PDGFC: variants seen among roughly 807,000 people sequenced by gnomAD.
The protein encoded by PDGFC is platelet-derived growth factor C.
A neutral mutation model predicts 35.5 loss-of-function variants in PDGFC; 12 were observed. That is an observed-to-expected ratio of 0.34 (90% CI 0.22 to 0.55). The LOEUF (loss-of-function observed/expected upper bound fraction) is 0.55. Among genes scored for constraint, PDGFC ranks in the 20% least tolerant of loss-of-function variants. PDGFC has a pLI of 0.91. For missense variants in PDGFC, 322 were observed against 412.4 expected (o/e 0.78, Z 1.90); for synonymous variants, 159 against 148.8 (o/e 1.07, Z -0.50).
intron 3 of PDGFC, among the ~76,000 whole-genome samples, chr4:156,794,526 G>A (rs1165011917): frequency 6.6e-6 from 1 of 151,774 alleles, no homozygotes; most frequent in Non-Finnish European, 1.5e-5. Context: ...AAAAAAGAAG[G>A]GAGGGAGGAA....
intron 2 of PDGFC, among the ~76,000 whole-genome samples, chr4:156,845,223 T>A (rs979931031): frequency 6.6e-6 from 1 of 151,718 alleles, no homozygotes; most frequent in African/African-American, 2.4e-5. Context: ...TTATCAAAAT[T>A]GGCAGGGCGC....
intron 2 of PDGFC, among the ~76,000 whole-genome samples, chr4:156,827,971 T>C (rs1384631951): frequency 6.6e-6 from 1 of 152,222 alleles, no homozygotes; most frequent in Non-Finnish European, 1.5e-5. Flanking sequence ...AGTGGAGTCC[T>C]GGACTTTGCA....
At position 156,793,562 on chromosome 4, in the gene PDGFC, T is replaced by TATATAA. The variant is rs1391337141; in HGVS notation, c.495+17274_495+17275insTTATAT. Among the ~76,000 whole-genome samples, 35 of 136,124 alleles carry TATATAA rather than the reference T, an allele frequency of 2.6e-4. No homozygotes were observed. The South Asian group carries it at 6.1e-3, about 24-fold the overall frequency. The allele number at this position is 136,124 out of a possible 152,430, so 89.3% of individuals were successfully genotyped here. A position where few individuals can be genotyped will look rare whatever the true frequency, so the allele number is the denominator to read the frequency against. ...ATATATATATATATATATATATATA[T>TATATAA]AAAACACTTTAAAATGTTATATGTG... On this transcript the variant is annotated intron_variant, in intron 3 of 5. Coordinates refer to ENST00000502773, the MANE Select transcript of PDGFC (RefSeq NM_016205.3).
intron 3 of PDGFC, among the ~76,000 whole-genome samples, chr4:156,793,692 T>C (rs1414878618): frequency 2.0e-5 from 3 of 151,772 alleles, no homozygotes; most frequent in Non-Finnish European, 2.9e-5. Flanking sequence ...AATCAGAACA[T>C]GTCAATAAAC....
intron 1 of PDGFC, among the ~76,000 whole-genome samples, chr4:156,877,172 T>A (rs1730135129): frequency 6.6e-6 from 1 of 152,140 alleles, no homozygotes; most frequent in African/African-American, 2.4e-5. Context: ...GATACAGGCA[T>A]ACAATGCTTA....
chr4:156,949,447 C>T (rs1009290687), intron 1 of PDGFC, among the ~76,000 whole-genome samples: 7 of 151,748 alleles, frequency 4.6e-5, no homozygotes. Flanking sequence ...CTCTTTCTCT[C>T]TCGCTCTTTC....
chr4:156,842,669 C>G (rs552797694), intron 2 of PDGFC, among the ~76,000 whole-genome samples: 1 of 152,246 alleles, frequency 6.6e-6, no homozygotes, highest in South Asian at 2.1e-4. Context: ...TCCTCTCTAC[C>G]ATTACACACC....
chr4:156,767,956 T>C lies in PDGFC; in HGVS notation c.738A>G (p.Arg246=). The change falls in exon 5 of 6, where the codon AGA becomes AGG. Residue 246 remains arginine (R), a synonymous_variant. Coordinates refer to ENST00000502773, the MANE Select transcript of PDGFC (RefSeq NM_016205.3). ...VDLNLLTEEV[R]LYSCTPRNFS... ...AGTTACGAGGTGTGCAGCTGTATAA[T>C]CTTACCTCCTCTGTTAGAAGGTTCA... 6.2e-7 allele frequency: 1 copy of C among 1,611,444 alleles called. No individual in the cohort carries two copies. Among genetic ancestry groups the C allele is most frequent in the Non-Finnish European group, 8.5e-7 (1 of 1,177,668 alleles).
At chr4:156,765,168 G>A (rs1560801907) in intron 5 of PDGFC, among the ~76,000 whole-genome samples, 1 of 152,076 alleles carries the variant, frequency 6.6e-6, no homozygotes, top group Non-Finnish European at 1.5e-5. Flanking sequence ...TAATGGTGGA[G>A]GACACAATTA....
chr4:156,900,635 G>A (rs975767933), intron 1 of PDGFC, among the ~76,000 whole-genome samples: 1 of 152,110 alleles, frequency 6.6e-6, no homozygotes, highest in Non-Finnish European at 1.5e-5. Flanking sequence ...GAGCCCAGGA[G>A]TTCAAAACCA....
chr4:156,912,515 T>G (rs1360119459), intron 1 of PDGFC, among the ~76,000 whole-genome samples: 2 of 152,288 alleles, frequency 1.3e-5, no homozygotes, highest in East Asian at 3.9e-4. Context: ...CTTTCCTATC[T>G]TCCTTCCTTT....
In PDGFC at chr4:156,773,869, T is replaced by C. The variant is rs751216524; in HGVS notation, c.496-976A>G. Among the ~76,000 whole-genome samples the C allele has an allele frequency of 3.9e-5, 6 of 152,198 alleles. No homozygotes were observed. In the South Asian group the frequency reaches 8.3e-4, roughly 21 times the overall value. On this transcript the variant is annotated intron_variant, in intron 3 of 5. Transcript: ENST00000502773. ...TGCACATGGAAATATGTTCAATGAT[T>C]AGAAAGACTGGAAGCAATCTAAATG...
chr4:156,925,573 C>T (rs950765260), intron 1 of PDGFC, among the ~76,000 whole-genome samples: 29 of 151,814 alleles, frequency 1.9e-4, no homozygotes, highest in Non-Finnish European at 3.4e-4. Flanking sequence ...TTGTTTTGGT[C>T]ATGTTGAAAT....
chr4:156,796,139 TA>T, intron 3 of PDGFC, among the ~76,000 whole-genome samples: 3 of 152,252 alleles, frequency 2.0e-5, no homozygotes, highest in Middle Eastern at 6.8e-3. Context: ...ATAAAGATTA[TA>T]AAATCACCTA....
chr4:156,933,486 A>G (rs1299609086), intron 1 of PDGFC, among the ~76,000 whole-genome samples: 1 of 152,230 alleles, frequency 6.6e-6, no homozygotes, highest in Non-Finnish European at 1.5e-5. Context: ...CCCAAACTGT[A>G]AACAAGCATC....
intron 5 of PDGFC, among the ~76,000 whole-genome samples, chr4:156,764,940 A>C (rs1730480347): frequency 6.6e-6 from 1 of 152,072 alleles, no homozygotes; most frequent in Non-Finnish European, 1.5e-5. Context: ...TCAGCAAGGA[A>C]AAAAAAATTA....
Position 156,763,079 on chromosome 4 carries a change from T to C in PDGFC, c.*11A>G, listed in dbSNP as rs201060441. The C allele has an allele frequency of 9.2e-5, 128 of 1,384,232 alleles. No individual in the cohort carries two copies. Among genetic ancestry groups the C allele is most frequent in the Middle Eastern group, 1.8e-4 (1 of 5,610 alleles). The allele number at this position is 1,384,232 out of a possible 1,614,324, so 85.7% of individuals were successfully genotyped here. ...CACAGCTCTGGGCAAGAGCTGCTGG[T>C]GGTGATGCGGCTATCCTCCTGTGCT... On this transcript the variant is annotated 3_prime_UTR_variant, in exon 6 of 6. Transcript: ENST00000502773.
At chr4:156,791,067 G>A (rs569246860) in intron 3 of PDGFC, among the ~76,000 whole-genome samples, 4 of 152,228 alleles carry the variant, frequency 2.6e-5, no homozygotes, top group African/African-American at 9.6e-5. Context: ...TTGGGCTTCA[G>A]GAATTTGGTT....
intron 1 of PDGFC, among the ~76,000 whole-genome samples, chr4:156,921,356 C>T (rs1214995915): frequency 6.6e-6 from 1 of 152,040 alleles, no homozygotes; most frequent in Non-Finnish European, 1.5e-5. Context: ...ACCCACACCC[C>T]AGCCTCAAAA....
Sources: allele counts gnomAD v4.1 joint callset (sites outside exome capture counted in the v4.1 genomes callset), GRCh38; gene constraint gnomAD v4.1.1; transcripts MANE v1.5; gene names NCBI Gene and HGNC (gene_info 2026-07-23, HGNC 2026-07-21).